EYS: variants seen among roughly 807,000 people sequenced by gnomAD.
EYS encodes EGF-like photoreceptor maintenance factor.
EYS carries 250 observed loss-of-function variants against 282.1 expected under a neutral mutation model. The observed-to-expected ratio is 0.89, with a 90% CI of 0.80 to 0.98. The LOEUF is 0.98. Among genes scored for constraint, EYS ranks in the 50% least tolerant of loss-of-function variants. The pLI, the probability that EYS is intolerant of heterozygous loss-of-function variation, is 0.00. For missense variants in EYS, 4,016 were observed against 3,709.0 expected (o/e 1.08, Z -2.15); for synonymous variants, 1,355 against 1,282.9 (o/e 1.06, Z -1.20).
intron 22 of EYS, among the ~76,000 whole-genome samples, chr6:64,723,868 C>T (rs909892765): frequency 6.6e-6 from 1 of 152,096 alleles, no homozygotes; most frequent in African/African-American, 2.4e-5. Flanking sequence ...CAGTTTTAGC[C>T]TCATCACTGC....
chr6:65,086,832 GTT>G (rs1035375298), intron 12 of EYS, among the ~76,000 whole-genome samples: 1 of 145,028 alleles, frequency 6.9e-6, no homozygotes, highest in East Asian at 2.0e-4. Flanking sequence ...GTATATGTGG[GTT>G]TTTTTTTTTT....
intron 5 of EYS, among the ~76,000 whole-genome samples, chr6:65,476,629 T>A (rs1765414702): frequency 6.6e-6 from 1 of 152,078 alleles, no homozygotes; most frequent in Admixed American, 6.6e-5. Flanking sequence ...CAGGCTGAAG[T>A]GCAGTGGTGC....
chr6:65,270,583 C>A (rs923380197), intron 12 of EYS, among the ~76,000 whole-genome samples: 1 of 152,142 alleles, frequency 6.6e-6, no homozygotes, highest in East Asian at 1.9e-4. Context: ...ATTTCTAGTT[C>A]TTTTTTTCTT....
intron 37 of EYS, among the ~76,000 whole-genome samples, chr6:63,796,244 A>C (rs1348960880): frequency 1.3e-5 from 2 of 152,176 alleles, no homozygotes; most frequent in East Asian, 1.9e-4. Context: ...CAGAAATTAG[A>C]ACTACTTGTC....
intron 31 of EYS, among the ~76,000 whole-genome samples, chr6:64,221,849 A>G (rs576899670): frequency 5.1e-4 from 77 of 152,160 alleles, no homozygotes; most frequent in Middle Eastern, 6.8e-3. Context: ...CGTAAATACA[A>G]AGGATGACTG....
At chr6:64,792,880 G>A (rs1774235935) in intron 22 of EYS, among the ~76,000 whole-genome samples, 1 of 151,820 alleles carries the variant, frequency 6.6e-6, no homozygotes, top group African/African-American at 2.4e-5. Flanking sequence ...GTGTGTGTTA[G>A]ATGTAACATT....
At chr6:64,412,876 G>A (rs904224658) in intron 28 of EYS, 6 of 151,862 alleles carry the variant, frequency 4.0e-5, no homozygotes, top group East Asian at 1.9e-4. Flanking sequence ...CAAAATGCAC[G>A]TGTATATAAG....
chr6:63,929,203 A>C (rs1250198743), intron 35 of EYS, among the ~76,000 whole-genome samples: 1 of 152,256 alleles, frequency 6.6e-6, no homozygotes, highest in African/African-American at 2.4e-5. Context: ...ATTTCCATGC[A>C]TCAAGCTAAG....
chr6:65,687,157 C>T (rs775892543), intron 1 of EYS, among the ~76,000 whole-genome samples: 2 of 152,050 alleles, frequency 1.3e-5, no homozygotes, highest in East Asian at 1.9e-4. Context: ...TAAGTTTATA[C>T]ATCTTTAAAG....
intron 22 of EYS, chr6:64,713,232 A>C (rs1771267379): frequency 6.6e-6 from 1 of 152,186 alleles, no homozygotes; most frequent in African/African-American, 2.4e-5. Context: ...TTTGGTTTCC[A>C]GAATATGATT....
rs140254535 is a variant in EYS at position 63,746,101 on chromosome 6, C to T, written c.8071+16360G>A. Among the ~76,000 whole-genome samples, 30 of 152,288 alleles carry T rather than the reference C, an allele frequency of 2.0e-4. 1 individual carries two copies. In the East Asian group the frequency reaches 5.6e-3, roughly 28 times the overall value. The stretch of plus-strand genomic sequence containing the variant: ...TGTGGTATTTTGAGATACTTTCCAT[C>T]AGTACCTAGTTTATTGGGAGTTTTT... On this transcript the variant is annotated intron_variant, in intron 41 of 42. Coordinates refer to ENST00000503581, the MANE Select transcript of EYS (RefSeq NM_001142800.2).
At chr6:64,447,788 G>A (rs141605344) in intron 26 of EYS, among the ~76,000 whole-genome samples, 2,373 of 152,304 alleles carry the variant, frequency 0.016, 21 homozygotes, top group South Asian at 0.034. Flanking sequence ...AGGAGGACTA[G>A]TCAAGTAGTT....
At chr6:65,623,167 C>T (rs1407926052) in intron 2 of EYS, among the ~76,000 whole-genome samples, 1 of 152,108 alleles carries the variant, frequency 6.6e-6, no homozygotes, top group Non-Finnish European at 1.5e-5. Flanking sequence ...GGCACACAAG[C>T]TGATGCAGTT....
chr6:65,474,340 T>C (rs1179050650), intron 5 of EYS, among the ~76,000 whole-genome samples: 1 of 152,096 alleles, frequency 6.6e-6, no homozygotes, highest in East Asian at 1.9e-4. Flanking sequence ...ACGTGTGGTG[T>C]GGTAGACTAT....
chr6:64,202,494 A>G (rs548948181), intron 31 of EYS, among the ~76,000 whole-genome samples: 2 of 152,300 alleles, frequency 1.3e-5, no homozygotes, highest in Admixed American at 6.5e-5. Context: ...AAAATAAGTT[A>G]TGTGCTAGCT....
At chr6:64,899,190 C>T (rs1562249305) in intron 18 of EYS, among the ~76,000 whole-genome samples, 2 of 151,924 alleles carry the variant, frequency 1.3e-5, no homozygotes, top group African/African-American at 2.4e-5. Flanking sequence ...ATTCTAAAAT[C>T]GACCACATAA....
intron 33 of EYS, among the ~76,000 whole-genome samples, chr6:64,015,680 A>G (rs1768857968): frequency 6.6e-6 from 1 of 152,212 alleles, no homozygotes; most frequent in South Asian, 2.1e-4. Context: ...GGTGAATAAA[A>G]TTGTTGTAAT....
At chr6:65,370,250 C>T (rs1438659650) in intron 8 of EYS, among the ~76,000 whole-genome samples, 1 of 133,398 alleles carries the variant, frequency 7.5e-6, no homozygotes, top group African/African-American at 3.0e-5. Flanking sequence ...TTCTTTCTTT[C>T]TCTCTCTTTT....
At position 65,121,042 on chromosome 6, in the gene EYS, C is replaced by G. The variant is rs144167155; in HGVS notation, c.2024-63315G>C. On this transcript the variant is annotated intron_variant, in intron 12 of 42. Coordinates refer to ENST00000503581, the MANE Select transcript of EYS (RefSeq NM_001142800.2). ...ATTCATTGCCATCATTTCCTGAATT[C>G]ATTATGTCCCTGAGCATTTTGACTC... 6.1e-3 allele frequency among the ~76,000 whole-genome samples: 932 copies of G among 152,050 alleles called. 10 individuals carry two copies. The highest frequency in any genetic ancestry group is 0.021 in the African/African-American group (884 of 41,460).
Sources: allele counts gnomAD v4.1 joint callset (sites outside exome capture counted in the v4.1 genomes callset), GRCh38; gene constraint gnomAD v4.1.1; transcripts MANE v1.5; gene names NCBI Gene and HGNC (gene_info 2026-07-23, HGNC 2026-07-21).